The following ASTN2 variants were observed in gnomAD, a reference collection of about 807,000 sequenced individuals.
ASTN2 encodes astrotactin 2.
ASTN2 carries 54 observed loss-of-function variants against 139.8 expected under a neutral mutation model. The ratio of observed to expected loss-of-function variants is 0.39; its 90% CI spans 0.31 to 0.48. The LOEUF is 0.48. Ranked by LOEUF, ASTN2 falls within the 20% of genes least tolerant of loss-of-function variation. The probability of loss-of-function intolerance (pLI) is 0.95; values close to 1 mark genes in which losing one functional copy is unlikely to be tolerated. For synonymous variants in ASTN2, 756 were observed against 719.5 expected, an observed-to-expected ratio of 1.05 and a Z score of -0.81; for missense variants, 1,565 against 1,725.1, an observed-to-expected ratio of 0.91 and a Z score of 1.64.
intron 19 of ASTN2, among the ~76,000 whole-genome samples, chr9:116,492,109 T>A (rs1588110660): frequency 1.3e-5 from 2 of 150,734 alleles, no homozygotes; most frequent in South Asian, 2.1e-4. Flanking sequence ...TGAGAAAAAG[T>A]CTTTCTCTAT....
At chr9:117,319,678 C>T (rs1171760454) in intron 1 of ASTN2, among the ~76,000 whole-genome samples, 2 of 151,898 alleles carry the variant, frequency 1.3e-5, no homozygotes, top group Non-Finnish European at 2.9e-5. Context: ...TCAAGTGATC[C>T]ACCTGCCTTG....
chr9:116,975,184 A>G, intron 10 of ASTN2, 24 bp downstream of exon 10: 1 of 1,583,396 alleles, frequency 6.3e-7, no homozygotes, highest in Non-Finnish European at 8.6e-7. Context: ...GTACCTATGC[A>G]GAGTACTGGA....
At chr9:116,621,331 G>A (rs1262760562) in intron 17 of ASTN2, among the ~76,000 whole-genome samples, 1 of 152,022 alleles carries the variant, frequency 6.6e-6, no homozygotes, top group African/African-American at 2.4e-5. Context: ...AGGTCTGAGG[G>A]CCACAGTTTT....
chr9:117,056,638 C>G (rs6478275), intron 5 of ASTN2, among the ~76,000 whole-genome samples: 97,358 of 152,116 alleles, frequency 0.64, 31,519 homozygotes, highest in East Asian at 0.72. Context: ...CAGCTTCACA[C>G]AGGAGGCAGC....
chr9:117,059,875 G>A (rs904547578), intron 5 of ASTN2, among the ~76,000 whole-genome samples: 11 of 152,138 alleles, frequency 7.2e-5, no homozygotes, highest in African/African-American at 1.7e-4. Context: ...AGACAAGACC[G>A]CAATTCCTAA....
chr9:116,500,140 A>G (rs1348388686), intron 19 of ASTN2, among the ~76,000 whole-genome samples: 1 of 151,954 alleles, frequency 6.6e-6, no homozygotes, highest in Non-Finnish European at 1.5e-5. Context: ...AGCCACCCAC[A>G]CTGGTTACCC....
intron 4 of ASTN2, among the ~76,000 whole-genome samples, chr9:117,137,200 C>G (rs1407507685): frequency 6.6e-6 from 1 of 152,188 alleles, no homozygotes; most frequent in African/African-American, 2.4e-5. Context: ...GAATGATGCA[C>G]TTCAGCCTCC....
At chr9:116,693,507 A>G (rs1860678324) in intron 16 of ASTN2, among the ~76,000 whole-genome samples, 1 of 152,202 alleles carries the variant, frequency 6.6e-6, no homozygotes, top group South Asian at 2.1e-4. Flanking sequence ...ACAGATTCTC[A>G]TCGGGAGCTG....
In ASTN2 at chr9:117,008,147, G is replaced by A. The variant is rs1837413069; in HGVS notation, c.1536C>T (p.Asp512=). Reference sequence around the variant, plus strand: ...CATCTGTCGTCCTTTGTCCACAGAGGTCCCTCACCCATGGGGAGGTGGCAT... The same window carrying A: ...CATCTGTCGTCCTTTGTCCACAGAGATCCCTCACCCATGGGGAGGTGGCAT... ...QINATSPWVR[D]LCGQRTTDAC... The change falls in exon 7 of 23, where the codon GAC becomes GAT. Residue 512 remains aspartate (D), a synonymous_variant. Transcript: ENST00000313400. 6.2e-7 allele frequency: 1 copy of A among 1,610,614 alleles called. No individual in the cohort carries two copies. The highest frequency in any genetic ancestry group is 8.5e-7 in the Non-Finnish European group (1 of 1,178,452).
intron 19 of ASTN2, among the ~76,000 whole-genome samples, chr9:116,505,824 G>A (rs1032326250): frequency 1.3e-5 from 2 of 152,080 alleles, no homozygotes; most frequent in African/African-American, 4.8e-5. Flanking sequence ...GTGCTCCTGA[G>A]GATGCTCCAG....
intron 5 of ASTN2, among the ~76,000 whole-genome samples, chr9:117,084,617 C>A (rs962314700): frequency 2.6e-5 from 4 of 152,196 alleles, no homozygotes; most frequent in African/African-American, 9.6e-5. Flanking sequence ...GTGCAATAGA[C>A]CTGATACAAA....
intron 22 of ASTN2, among the ~76,000 whole-genome samples, chr9:116,433,947 A>G (rs1847570941): frequency 1.3e-5 from 2 of 152,210 alleles, no homozygotes; most frequent in African/African-American, 4.8e-5. Flanking sequence ...GTCTCAACTG[A>G]TCCAGAGCTA....
intron 10 of ASTN2, among the ~76,000 whole-genome samples, chr9:116,959,028 T>C (rs1835803695): frequency 6.6e-6 from 1 of 151,980 alleles, no homozygotes; most frequent in Non-Finnish European, 1.5e-5. Context: ...GATAAGTGCC[T>C]GGAGAGAGGA....
In ASTN2 at chr9:117,219,091, C is replaced by T. The variant is rs566980369; in HGVS notation, c.631-4349G>A. On this transcript the variant is annotated intron_variant, in intron 2 of 22. Coordinates refer to ENST00000313400, the MANE Select transcript of ASTN2 (RefSeq NM_001365068.1). ...AGTGCCGTGCACAAGCAAAGGAGCTCAAGAGAACCATCTGGCTGCTTCTGT... is the reference window on the plus strand; with the variant it reads ...AGTGCCGTGCACAAGCAAAGGAGCTTAAGAGAACCATCTGGCTGCTTCTGT... Among the ~76,000 whole-genome samples the T allele has an allele frequency of 2.2e-4, 34 of 152,228 alleles. 1 individual carries two copies. The highest frequency in any genetic ancestry group is 6.5e-4 in the African/African-American group (27 of 41,524).
At chr9:117,141,233 G>A in intron 4 of ASTN2, 93 bp downstream of exon 4, 1 of 1,251,472 alleles carries the variant, frequency 8.0e-7, no homozygotes. Flanking sequence ...TGAGCACAGG[G>A]AAGCAAGGGA....
chr9:116,850,181 C>A (rs764023104), intron 11 of ASTN2, among the ~76,000 whole-genome samples: 4 of 152,170 alleles, frequency 2.6e-5, no homozygotes, highest in Non-Finnish European at 4.4e-5. Context: ...CACTAACCAC[C>A]CAGTCCAGGG....
intron 7 of ASTN2, among the ~76,000 whole-genome samples, chr9:116,979,298 C>T (rs965522521): frequency 6.6e-6 from 1 of 152,006 alleles, no homozygotes; most frequent in African/African-American, 2.4e-5. Flanking sequence ...AAGACATGTC[C>T]TTTTCCTCTC....
At chr9:117,075,928 G>T (rs993830216) in intron 5 of ASTN2, among the ~76,000 whole-genome samples, 2 of 152,118 alleles carry the variant, frequency 1.3e-5, no homozygotes, top group African/African-American at 4.8e-5. Flanking sequence ...AAGAAGAGAG[G>T]TTCCTCCAGT....
At chr9:116,862,807 T>TACAC (rs751612533) in intron 11 of ASTN2, among the ~76,000 whole-genome samples, 8,235 of 90,808 alleles carry the variant, frequency 0.091, 275 homozygotes, top group East Asian at 0.22. Flanking sequence ...CACACACAAA[T>TACAC]ACACACACAC....
Sources: allele counts gnomAD v4.1 joint callset (sites outside exome capture counted in the v4.1 genomes callset), GRCh38; gene constraint gnomAD v4.1.1; transcripts MANE v1.5; gene names NCBI Gene and HGNC (gene_info 2026-07-23, HGNC 2026-07-21).